Variants in ARMH4 observed in about 807,000 individuals in gnomAD.
The protein encoded by ARMH4 is armadillo like helical domain containing 4.
In ARMH4, 49 loss-of-function variants were observed where a neutral mutation model predicts 61.9. The observed-to-expected ratio is 0.79, with a 90% CI of 0.63 to 1.00. The LOEUF is 1.00. Among genes scored for constraint, ARMH4 ranks in the 50% least tolerant of loss-of-function variants. ARMH4 has a pLI of 0.00. For synonymous variants in ARMH4, 368 were observed against 341.5 expected, an observed-to-expected ratio of 1.08 and a Z score of -0.85; for missense variants, 934 against 930.0, an observed-to-expected ratio of 1.00 and a Z score of -0.06.
At chr14:58,052,400 G>A (rs1288821061) in intron 5 of ARMH4, among the ~76,000 whole-genome samples, 1 of 152,146 alleles carries the variant, frequency 6.6e-6, no homozygotes, top group Non-Finnish European at 1.5e-5. Context: ...GGAAGCTAAG[G>A]AAGAGCGGGT....
intron 5 of ARMH4, among the ~76,000 whole-genome samples, chr14:58,047,440 A>T (rs1438788376): frequency 6.6e-6 from 1 of 152,212 alleles, no homozygotes; most frequent in Non-Finnish European, 1.5e-5. Flanking sequence ...TAGCAGACAC[A>T]CTGTTCTAAG....
chr14:58,091,467 A>G (rs191715367), intron 5 of ARMH4, among the ~76,000 whole-genome samples: 45 of 152,352 alleles, frequency 3.0e-4, no homozygotes, highest in African/African-American at 1.0e-3. Context: ...GGGGAAAAAA[A>G]TGTATTTCTT....
intron 5 of ARMH4, among the ~76,000 whole-genome samples, chr14:58,032,127 G>A (rs527614908): frequency 1.8e-4 from 27 of 152,008 alleles, no homozygotes; most frequent in African/African-American, 6.0e-4. Flanking sequence ...AGGGCCCTTC[G>A]TCGGAGAGGT....
rs1266696616 is a variant in ARMH4 at position 58,139,068 on chromosome 14, C to A, written c.291G>T (p.Gln97His). 12 of 1,614,100 alleles carry A rather than the reference C, an allele frequency of 7.4e-6. No homozygotes were observed. Among genetic ancestry groups the A allele is most frequent in the South Asian group, 2.2e-5 (2 of 91,094 alleles). Residue 97 changes from glutamine (Q) to histidine (H), a missense_variant, in exon 2 of 8, where the codon CAG becomes CAT. Gln to His is a conservative substitution (Grantham distance 24). Transcript: ENST00000267485. ...TTTGCATGAGCCCAGCTTGTCCAGG[C>A]TGGGTTTCTTTGTTAATCGAGAATG... ...NKAFSINKET[Q>H]PGQAGLMQTE...
intron 1 of ARMH4, among the ~76,000 whole-genome samples, chr14:58,149,077 C>T (rs922597529): frequency 6.6e-6 from 1 of 152,140 alleles, no homozygotes; most frequent in African/African-American, 2.4e-5. Flanking sequence ...ATGACCATTC[C>T]TCAATGATTA....
chr14:58,020,045 A>T (rs1484976718), intron 5 of ARMH4, among the ~76,000 whole-genome samples: 1 of 152,202 alleles, frequency 6.6e-6, no homozygotes, highest in African/African-American at 2.4e-5. Flanking sequence ...CTGAAATAAT[A>T]ATTAAGATTT....
intron 4 of ARMH4, among the ~76,000 whole-genome samples, chr14:58,103,524 C>A (rs1239842496): frequency 1.3e-5 from 2 of 151,676 alleles, no homozygotes. Context: ...CCCGCCCCCC[C>A]CAAAAAAAAA....
intron 5 of ARMH4, among the ~76,000 whole-genome samples, chr14:58,088,061 T>A (rs1220146750): frequency 3.3e-5 from 5 of 152,166 alleles, no homozygotes. Flanking sequence ...GTCTATTCAT[T>A]TTTGGGTATT....
chr14:58,145,439 C>CAG (rs1350557755), intron 1 of ARMH4, among the ~76,000 whole-genome samples: 1 of 152,172 alleles, frequency 6.6e-6, no homozygotes, highest in Non-Finnish European at 1.5e-5. Context: ...AATGGTGGAG[C>CAG]AGATGCTTTA....
intron 5 of ARMH4, among the ~76,000 whole-genome samples, chr14:58,053,805 G>A (rs1415890204): frequency 6.6e-6 from 1 of 152,140 alleles, no homozygotes; most frequent in African/African-American, 2.4e-5. Context: ...TTTTGTTAGT[G>A]GAGAATGTTC....
intron 5 of ARMH4, among the ~76,000 whole-genome samples, chr14:58,027,304 CT>C (rs1883055580): frequency 6.6e-6 from 1 of 151,432 alleles, no homozygotes; most frequent in African/African-American, 2.4e-5. Flanking sequence ...AGATCTTTTT[CT>C]TTAAGTTGCA....
chr14:58,113,044 C>G (rs1316348848), intron 4 of ARMH4, among the ~76,000 whole-genome samples: 1 of 152,116 alleles, frequency 6.6e-6, no homozygotes, highest in East Asian at 1.9e-4. Context: ...ACTTAATAAA[C>G]TATTACATCA....
intron 5 of ARMH4, among the ~76,000 whole-genome samples, chr14:58,094,749 T>C (rs944353769): frequency 6.6e-6 from 1 of 152,154 alleles, no homozygotes; most frequent in Non-Finnish European, 1.5e-5. Context: ...TAATCTATAG[T>C]GACCAAAGGC....
At chr14:58,009,666 T>C (rs1373534464) in intron 6 of ARMH4, among the ~76,000 whole-genome samples, 1 of 151,734 alleles carries the variant, frequency 6.6e-6, no homozygotes, top group Non-Finnish European at 1.5e-5. Flanking sequence ...CAAAAATTAA[T>C]TTGGCATAGT....
chr14:58,138,420 C>T lies in ARMH4; in HGVS notation c.939G>A (p.Glu313=), dbSNP rs1243795483. 2 of 1,614,250 alleles carry T rather than the reference C, an allele frequency of 1.2e-6. No individual in the cohort carries two copies. The highest frequency in any genetic ancestry group is 1.7e-6 in the Non-Finnish European group (2 of 1,180,038). ...AVPAASALSD[E]WDDTKLESVS... ...CACTCTCTAATTTGGTGTCATCCCA[C>T]TCATCACTTAAGGCAGAGGCAGCTG... The change falls in exon 2 of 8, where the codon GAG becomes GAA. Residue 313 remains glutamate, a synonymous_variant. Coordinates refer to ENST00000267485, the MANE Select transcript of ARMH4 (RefSeq NM_001001872.4).
At chr14:58,031,405 T>C (rs566725894) in intron 5 of ARMH4, among the ~76,000 whole-genome samples, 1 of 152,346 alleles carries the variant, frequency 6.6e-6, no homozygotes, top group Non-Finnish European at 1.5e-5. Context: ...GCCAGAGCTT[T>C]TGTTTAATTG....
At chr14:58,149,253 C>A (rs1000521532) in intron 1 of ARMH4, among the ~76,000 whole-genome samples, 1 of 152,186 alleles carries the variant, frequency 6.6e-6, no homozygotes, top group African/African-American at 2.4e-5. Flanking sequence ...GTTTCTGATT[C>A]ACTGTGCTAC....
intron 6 of ARMH4, among the ~76,000 whole-genome samples, chr14:58,007,343 A>G (rs893103471): frequency 6.6e-6 from 1 of 152,174 alleles, no homozygotes; most frequent in African/African-American, 2.4e-5. Context: ...TTTCAAATTT[A>G]TATTTATATT....
intron 5 of ARMH4, among the ~76,000 whole-genome samples, chr14:58,078,570 A>G (rs1328627437): frequency 6.6e-6 from 1 of 152,238 alleles, no homozygotes; most frequent in African/African-American, 2.4e-5. Flanking sequence ...CCAACCATGT[A>G]CCAACAATGG....
Sources: gnomAD v4.1 joint callset for allele counts (sites outside exome capture counted in the v4.1 genomes callset) on GRCh38, gnomAD v4.1.1 for gene constraint, MANE v1.5 for transcripts, NCBI Gene and HGNC (gene_info 2026-07-23, HGNC 2026-07-21) for gene names.